SEPTIN7: variants seen among roughly 807,000 people sequenced by gnomAD.
The protein encoded by SEPTIN7 is septin 7.
Under a neutral mutation model 63.3 loss-of-function variants are expected in SEPTIN7, and 10 were observed. That is an observed-to-expected ratio of 0.16 (90% CI 0.10 to 0.27). SEPTIN7 has a LOEUF of 0.27. Among genes scored for constraint, SEPTIN7 ranks in the 10% least tolerant of loss-of-function variants. The probability of loss-of-function intolerance (pLI) is 1.00; values close to 1 mark genes in which losing one functional copy is unlikely to be tolerated. For missense variants in SEPTIN7, 310 were observed against 521.0 expected, an observed-to-expected ratio of 0.59 and a Z score of 3.94; for synonymous variants, 131 against 165.3, an observed-to-expected ratio of 0.79 and a Z score of 1.59.
intron 3 of SEPTIN7, among the ~76,000 whole-genome samples, chr7:35,833,225 G>A (rs1783919232): frequency 6.6e-6 from 1 of 151,882 alleles, no homozygotes; most frequent in African/African-American, 2.4e-5. Flanking sequence ...GGATAGTTTT[G>A]TTTTCTGGCT....
chr7:35,879,723 A>G, intron 6 of SEPTIN7, 100 bp from the exon 7 acceptor site: 3 of 713,512 alleles, frequency 4.2e-6, no homozygotes, highest in Non-Finnish European at 7.5e-6. Flanking sequence ...CTGATAAGTA[A>G]GTAAAGTAGT....
intron 4 of SEPTIN7, among the ~76,000 whole-genome samples, chr7:35,866,929 T>C (rs1232067879): frequency 6.6e-6 from 1 of 152,220 alleles, no homozygotes; most frequent in Non-Finnish European, 1.5e-5. Flanking sequence ...TGGTTTGCTA[T>C]ATAGCAGGTT....
Position 35,801,257 on chromosome 7 carries a change from C to CAGCA in SEPTIN7, c.49_52dup (p.Ser18LysfsTer12). ...CTGCTGCTGAGGAGAGGAGCGTCAA[C>CAGCA]AGCAGCACCATGGGTGAGTCTCAGC... On this transcript the variant is annotated frameshift_variant, in exon 1 of 14. Coordinates refer to ENST00000350320, the MANE Select transcript of SEPTIN7 (RefSeq NM_001788.6). The CAGCA allele has an allele frequency of 6.6e-7, 1 of 1,526,670 alleles. No homozygotes were observed. Among genetic ancestry groups the CAGCA allele is most frequent in the Non-Finnish European group, 8.8e-7 (1 of 1,139,720 alleles). The allele number at this position is 1,526,670 out of a possible 1,614,324, so 94.6% of individuals were successfully genotyped here. A position where few individuals can be genotyped will look rare whatever the true frequency, so the allele number is the denominator to read the frequency against.
At chr7:35,892,962 T>G (rs911744478) in intron 11 of SEPTIN7, among the ~76,000 whole-genome samples, 1 of 152,214 alleles carries the variant, frequency 6.6e-6, no homozygotes. Flanking sequence ...TAACGCATAC[T>G]GAACCTGAAA....
rs370793703 is a variant in SEPTIN7 at position 35,848,014 on chromosome 7, T to TA, written c.169+15115dup. 4.7e-4 allele frequency: 71 copies of TA among 152,290 alleles called. 1 individual carries two copies. The highest frequency in any genetic ancestry group is 1.7e-3 in the African/African-American group (69 of 41,564). 9.4% of individuals were successfully genotyped at this position (152,290 alleles called of 1,614,324 possible). On this transcript the variant is annotated intron_variant, in intron 3 of 13. Coordinates refer to ENST00000350320, the MANE Select transcript of SEPTIN7 (RefSeq NM_001788.6). The stretch of plus-strand genomic sequence containing the variant: ...TCCATTAGATATCCAGGTAAAATAA[T>TA]ATCTGTTTTCCTGATATTTCTCCTT...
chr7:35,865,981 A>G (rs1785788418), intron 4 of SEPTIN7, among the ~76,000 whole-genome samples: 1 of 152,214 alleles, frequency 6.6e-6, no homozygotes, highest in Non-Finnish European at 1.5e-5. Context: ...AACTCTCTTT[A>G]TCTTGAAAAC....
the SEPTIN7 span, among the ~76,000 whole-genome samples, chr7:35,912,864 C>A: frequency 1.3e-5 from 2 of 152,314 alleles, no homozygotes; most frequent in African/African-American, 2.4e-5. Flanking sequence ...CATTGAATTG[C>A]TACACGCCAA....
intron 3 of SEPTIN7, chr7:35,847,903 C>T (rs549008671): frequency 6.6e-6 from 1 of 152,354 alleles, no homozygotes; most frequent in African/African-American, 2.4e-5. Context: ...CTACCCACTT[C>T]TGCTTTGAAA....
intron 3 of SEPTIN7, chr7:35,846,749 T>C (rs1583554919): frequency 6.4e-6 from 1 of 155,832 alleles, no homozygotes; most frequent in East Asian, 1.9e-4. Context: ...ATTCCTAGAG[T>C]TGCAAAATTC....
chr7:35,907,657 G>C (rs1015444294), downstream of SEPTIN7, among the ~76,000 whole-genome samples: 3 of 152,198 alleles, frequency 2.0e-5, no homozygotes, highest in Admixed American at 2.0e-4. Context: ...CTGCTACACT[G>C]CCACATTTCT....
At chr7:35,903,793 T>A (rs1788464725) in intron 13 of SEPTIN7, among the ~76,000 whole-genome samples, 1 of 152,194 alleles carries the variant, frequency 6.6e-6, no homozygotes, top group Non-Finnish European at 1.5e-5. Context: ...TAGTTTATCC[T>A]CATTACTAAA....
rs191424603 is a variant in SEPTIN7 at position 35,804,839 on chromosome 7, T to G, written c.61+3569T>G. On this transcript the variant is annotated intron_variant, in intron 1 of 13. Coordinates refer to ENST00000350320, the MANE Select transcript of SEPTIN7 (RefSeq NM_001788.6). ...GGTAAGCGTGTTTCTTTTTTTGTTT[T>G]TTTTTTTTTTTTTTGAGACGTAATT... 7.5e-3 allele frequency among the ~76,000 whole-genome samples: 1,103 copies of G among 147,904 alleles called. 4 individuals are homozygous for G. Among genetic ancestry groups the G allele is most frequent in the Non-Finnish European group, 0.013 (834 of 66,242 alleles).
At chr7:35,807,643 G>A (rs10264782) in intron 1 of SEPTIN7, among the ~76,000 whole-genome samples, 8,505 of 152,038 alleles carry the variant, frequency 0.056, 703 homozygotes, top group African/African-American at 0.18. Context: ...GATTACAGGC[G>A]TGAGCCACTG....
At chr7:35,889,054 G>T (rs1362009681) in intron 10 of SEPTIN7, among the ~76,000 whole-genome samples, 1 of 152,148 alleles carries the variant, frequency 6.6e-6, no homozygotes, top group Non-Finnish European at 1.5e-5. Context: ...TCTTACAGTT[G>T]AAGAGATATG....
chr7:35,890,763 A>G lies in SEPTIN7; in HGVS notation c.968A>G (p.Asp323Gly), dbSNP rs1411886354. 1.3e-6 allele frequency: 2 copies of G among 1,593,094 alleles called. No individual in the cohort carries two copies. Among genetic ancestry groups the G allele is most frequent in the Non-Finnish European group, 8.5e-7 (1 of 1,172,904 alleles). Residue 323 changes from aspartate (D) to glycine (G), a missense_variant, in exon 11 of 14, where the codon GAT becomes GGT. Coordinates refer to ENST00000350320, the MANE Select transcript of SEPTIN7 (RefSeq NM_001788.6). The stretch of plus-strand genomic sequence containing the variant: ...GCAGCTGTGACTTATAATGGAGTTG[A>G]TAACAACAAGAATAAAGGGCAGCTG... Reference protein sequence around the residue: ...KLAAVTYNGVDNNKNKGQLTK... With the variant: ...KLAAVTYNGVGNNKNKGQLTK...
rs543926952 is a variant in SEPTIN7 at position 35,823,952 on chromosome 7, A to T, written c.62-7540A>T. Among the ~76,000 whole-genome samples the T allele has an allele frequency of 4.6e-5, 7 of 151,010 alleles. No individual in the cohort carries two copies. The East Asian group carries it at 7.8e-4, about 17-fold the overall frequency. Reference sequence around the variant, plus strand: ...ATAAATGTTATCTGTGTCCTTACTTAACTTTGTCTGCTACTTGGTGTTTTC... The same window carrying T: ...ATAAATGTTATCTGTGTCCTTACTTTACTTTGTCTGCTACTTGGTGTTTTC... On this transcript the variant is annotated intron_variant, in intron 1 of 13. Coordinates refer to ENST00000350320, the MANE Select transcript of SEPTIN7 (RefSeq NM_001788.6).
chr7:35,909,457 T>A (rs890474859), downstream of SEPTIN7, among the ~76,000 whole-genome samples: 1 of 152,228 alleles, frequency 6.6e-6, no homozygotes, highest in Non-Finnish European at 1.5e-5. Flanking sequence ...TTATAGCTCA[T>A]GTCCTGAAAA....
chr7:35,887,738 A>G (rs1392674231), intron 10 of SEPTIN7, among the ~76,000 whole-genome samples: 1 of 152,240 alleles, frequency 6.6e-6, no homozygotes, highest in Non-Finnish European at 1.5e-5. Context: ...CAAATTGACC[A>G]TGCCTGCAGG....
At chr7:35,914,657 CTCTA>C in the SEPTIN7 span, among the ~76,000 whole-genome samples, 9 of 41,168 alleles carry the variant, frequency 2.2e-4, no homozygotes, top group Admixed American at 7.6e-4. Flanking sequence ...CTCTCTCTCT[CTCTA>C]TATATATATA....
Sources: allele counts gnomAD v4.1 joint callset (sites outside exome capture counted in the v4.1 genomes callset), GRCh38; gene constraint gnomAD v4.1.1; transcripts MANE v1.5; gene names NCBI Gene and HGNC (gene_info 2026-07-23, HGNC 2026-07-21).